The following SLC6A6 variants were observed in gnomAD, a reference collection of about 807,000 sequenced individuals.
The protein encoded by SLC6A6 is sodium- and chloride-dependent taurine transporter.
In SLC6A6, 16 loss-of-function variants were observed where a neutral mutation model predicts 68.8. That is an observed-to-expected ratio of 0.23 (90% CI 0.16 to 0.35). The LOEUF (loss-of-function observed/expected upper bound fraction) is 0.35, where lower values mean the gene tolerates loss of function less well. Among genes scored for constraint, SLC6A6 ranks in the 10% least tolerant of loss-of-function variants. The pLI is 1.00. For missense variants in SLC6A6, 474 were observed against 802.8 expected (o/e 0.59, Z 4.95); for synonymous variants, 312 against 315.4 (o/e 0.99, Z 0.12).
intron 13 of SLC6A6, 138 bp downstream of exon 13, chr3:14,479,323 A>T: frequency 1.6e-6 from 1 of 634,320 alleles, no homozygotes; most frequent in East Asian, 2.8e-5. Context: ...TGCCTGGGAG[A>T]GGGGAGGAAG....
At chr3:14,453,088 C>T (rs1700291232) in intron 5 of SLC6A6, among the ~76,000 whole-genome samples, 2 of 152,362 alleles carry the variant, frequency 1.3e-5, no homozygotes, top group African/African-American at 4.8e-5. Flanking sequence ...GTGCTCTGGG[C>T]GGACGGGCCC....
chr3:14,405,551 A>C (rs898787183), intron 1 of SLC6A6, among the ~76,000 whole-genome samples: 1 of 152,218 alleles, frequency 6.6e-6, no homozygotes, highest in African/African-American at 2.4e-5. Context: ...GTTGGCCTGA[A>C]ATCCCAGGGC....
chr3:14,447,078 T>C lies in SLC6A6; in HGVS notation c.365-504T>C, dbSNP rs150465719. Among the ~76,000 whole-genome samples, 13 of 152,274 alleles carry C rather than the reference T, an allele frequency of 8.5e-5. No individual in the cohort carries two copies. The East Asian group carries it at 2.3e-3, about 27-fold the overall frequency. On this transcript the variant is annotated intron_variant, in intron 4 of 14. Coordinates refer to ENST00000622186, the MANE Select transcript of SLC6A6 (RefSeq NM_003043.6). ...CCATCCATACATCCATCTAACAAAC[T>C]GATTATCTATGCAACAAATGGATAT...
chr3:14,424,167 G>T (rs1474062157), intron 2 of SLC6A6, among the ~76,000 whole-genome samples: 2 of 152,150 alleles, frequency 1.3e-5, no homozygotes, highest in Non-Finnish European at 2.9e-5. Flanking sequence ...TAAACATTGA[G>T]AATTGAAAGT....
chr3:14,403,068 C>T (rs1020818429), intron 1 of SLC6A6, among the ~76,000 whole-genome samples: 15 of 146,500 alleles, frequency 1.0e-4, no homozygotes, highest in Non-Finnish European at 1.0e-4. Flanking sequence ...TTGGTGCGGG[C>T]GGCAGGAGAG....
chr3:14,414,778 C>T (rs969910880), intron 1 of SLC6A6, among the ~76,000 whole-genome samples: 2 of 152,190 alleles, frequency 1.3e-5, no homozygotes, highest in African/African-American at 2.4e-5. Context: ...AGCCTTCTGC[C>T]TCAGCCTCCA....
chr3:14,436,679 C>T (rs140264003), intron 2 of SLC6A6, among the ~76,000 whole-genome samples: 293 of 151,824 alleles, frequency 1.9e-3, no homozygotes, highest in African/African-American at 6.4e-3. Flanking sequence ...GTACCTAGCC[C>T]AGAATCTATG....
chr3:14,416,529 G>T, intron 2 of SLC6A6, 76 bp downstream of exon 2: 1 of 398,428 alleles, frequency 2.5e-6, no homozygotes, highest in Non-Finnish European at 4.4e-6. Flanking sequence ...GGGCTCAGGA[G>T]CTCCGTGTCT....
At position 14,481,524 on chromosome 3, in the gene SLC6A6, T is replaced by C. The variant is rs1701006398; in HGVS notation, c.1552-147T>C. On this transcript the variant is annotated intron_variant, in intron 13 of 14. Transcript: ENST00000622186. This position sits in a 1 kb window ranked among gnomAD's most constrained non-coding sequence, Gnocchi z 4.7. ...TTTACCGGGGCGGGGGGGATCCTTA[T>C]GGCAGCAGAGAGGGGTGTGAGTTCT... 5 of 613,318 alleles carry C rather than the reference T, an allele frequency of 8.2e-6. No homozygotes were observed. The highest frequency in any genetic ancestry group is 1.4e-5 in the Non-Finnish European group (5 of 345,864). 38.0% of individuals were successfully genotyped at this position (613,318 alleles called of 1,614,324 possible).
chr3:14,471,130 CTT>C (rs754511089), intron 9 of SLC6A6, among the ~76,000 whole-genome samples: 2 of 83,124 alleles, frequency 2.4e-5, no homozygotes, highest in African/African-American at 4.9e-5. Context: ...TGCTTCTTGA[CTT>C]TTTTTTTTTT....
intron 5 of SLC6A6, among the ~76,000 whole-genome samples, chr3:14,456,782 G>A (rs946561181): frequency 1.3e-5 from 2 of 152,200 alleles, no homozygotes; most frequent in African/African-American, 4.8e-5. Flanking sequence ...CTGCATGGGA[G>A]TGTGACCTTC....
chr3:14,488,672 C>T lies in SLC6A6; in HGVS notation c.*3665C>T, dbSNP rs1040447557. On this transcript the variant is annotated 3_prime_UTR_variant, in exon 15 of 15. Coordinates refer to ENST00000622186, the MANE Select transcript of SLC6A6 (RefSeq NM_003043.6). The stretch of plus-strand genomic sequence containing the variant: ...TGTGTGCAAAAATCGAAGTACAAAA[C>T]CACAAGACTAAACAAAACAAACCCA... The T allele has an allele frequency of 6.6e-6, 1 of 152,278 alleles. No homozygotes were observed. The highest frequency in any genetic ancestry group is 1.5e-5 in the Non-Finnish European group (1 of 68,052). The allele number at this position is 152,278 out of a possible 1,614,324, so 9.4% of individuals were successfully genotyped here.
chr3:14,409,019 A>G (rs1156805040), intron 1 of SLC6A6, among the ~76,000 whole-genome samples: 2 of 152,194 alleles, frequency 1.3e-5, no homozygotes, highest in Non-Finnish European at 2.9e-5. Flanking sequence ...CATGTTAGCC[A>G]GGATGGTCTC....
intron 2 of SLC6A6, among the ~76,000 whole-genome samples, chr3:14,430,154 A>G (rs1486137503): frequency 6.6e-6 from 1 of 152,152 alleles, no homozygotes; most frequent in African/African-American, 2.4e-5. Context: ...GGTGGCAGAG[A>G]TTGGGGGCAA....
chr3:14,403,948 C>T (rs897817829), intron 1 of SLC6A6, among the ~76,000 whole-genome samples: 5 of 152,194 alleles, frequency 3.3e-5, no homozygotes, highest in African/African-American at 1.2e-4. Context: ...GGGCCTCTGC[C>T]AGATCCCGGC....
At chr3:14,410,298 A>AT (rs1559282574) in intron 1 of SLC6A6, among the ~76,000 whole-genome samples, 2 of 152,068 alleles carry the variant, frequency 1.3e-5, no homozygotes, top group African/African-American at 2.4e-5. Flanking sequence ...GGATTTAAGG[A>AT]AAGGGTTAAT....
At chr3:14,421,136 C>G (rs1160529334) in intron 2 of SLC6A6, among the ~76,000 whole-genome samples, 1 of 152,174 alleles carries the variant, frequency 6.6e-6, no homozygotes, top group Non-Finnish European at 1.5e-5. Context: ...CTGGGGAGCT[C>G]CTGCCTTCGG....
Position 14,477,074 on chromosome 3 carries a change from G to C in SLC6A6, c.1210-131G>C. ...TTCCACACTTGGACTTGATCTCACAGGCCAATTCTGGACACAAGGATGGTC... is the reference window on the plus strand; with the variant it reads ...TTCCACACTTGGACTTGATCTCACACGCCAATTCTGGACACAAGGATGGTC... On this transcript the variant is annotated intron_variant, in intron 10 of 14. Coordinates refer to ENST00000622186, the MANE Select transcript of SLC6A6 (RefSeq NM_003043.6). The surrounding 1 kb of genome is among the most constrained non-coding windows in gnomAD (Gnocchi z 4.2). The C allele has an allele frequency of 1.2e-6, 1 of 841,444 alleles. No homozygotes were observed. The highest frequency in any genetic ancestry group is 1.6e-5 in the South Asian group (1 of 60,834). 52.1% of individuals were successfully genotyped at this position (841,444 alleles called of 1,614,324 possible).
chr3:14,412,514 T>TA (rs1488327675), intron 1 of SLC6A6, among the ~76,000 whole-genome samples: 2 of 151,976 alleles, frequency 1.3e-5, no homozygotes, highest in East Asian at 3.9e-4. Context: ...ACCCCATCTC[T>TA]AAAAAAATGC....
Sources: gnomAD v4.1 joint callset for allele counts (sites outside exome capture counted in the v4.1 genomes callset) on GRCh38, gnomAD v4.1.1 for gene constraint, Gnocchi (gnomAD v3.1) non-coding constraint, MANE v1.5 for transcripts, NCBI Gene and HGNC (gene_info 2026-07-23, HGNC 2026-07-21) for gene names.